SLC9A6: variants seen among roughly 807,000 people sequenced by gnomAD.
SLC9A6 encodes the protein sodium/hydrogen exchanger 6.
SLC9A6 carries 6 observed loss-of-function variants against 45.3 expected under a neutral mutation model. The ratio of observed to expected loss-of-function variants is 0.13; its 90% CI spans 0.07 to 0.26. The LOEUF is 0.26. Ranked by LOEUF, SLC9A6 falls within the 10% of genes least tolerant of loss-of-function variation. The pLI, the probability that SLC9A6 is intolerant of heterozygous loss-of-function variation, is 1.00. For synonymous variants in SLC9A6, 191 were observed against 187.7 expected (o/e 1.02, Z -0.14); for missense variants, 278 against 503.7 (o/e 0.55, Z 4.29).
rs781859679 is a variant in SLC9A6 at position 136,027,622 on chromosome X, A to G, written c.1461-1264A>G. Among the ~76,000 whole-genome samples, 3 of 112,034 alleles carry G rather than the reference A, an allele frequency of 2.7e-5. No individual in the cohort carries two copies. In the East Asian group the frequency reaches 8.4e-4, roughly 31 times the overall value. On this transcript the variant is annotated intron_variant, in intron 13 of 17. Transcript: ENST00000630721. ...AACTCTAGTGTGAAAGCAGCCCTAGACAATATATAAATCAATTGGTGTGGT... is the reference window on the plus strand; with the variant it reads ...AACTCTAGTGTGAAAGCAGCCCTAGGCAATATATAAATCAATTGGTGTGGT...
At chrX:135,984,416 A>G (rs2089303880), upstream of SLC9A6, among the ~76,000 whole-genome samples, 1 of 112,120 alleles carries the variant, frequency 8.9e-6, no homozygotes, top group African/African-American at 3.3e-5. Flanking sequence ...AAGTTGGGGC[A>G]GCAGGCCAGG....
At chrX:136,017,688 T>A (rs1402796955) in intron 11 of SLC9A6, among the ~76,000 whole-genome samples, 1 of 111,844 alleles carries the variant, frequency 8.9e-6, no homozygotes, top group African/African-American at 3.2e-5. Context: ...TGAGATCATC[T>A]GCTGAGAGTA....
intron 16 of SLC9A6, among the ~76,000 whole-genome samples, chrX:136,039,672 C>T (rs1603223365): frequency 8.9e-6 from 1 of 112,232 alleles, no homozygotes; most frequent in African/African-American, 3.2e-5. Flanking sequence ...TGGCCATTAA[C>T]ATTGTTTACT....
chrX:135,985,675 T>A lies in SLC9A6; in HGVS notation c.17T>A (p.Val6Glu), dbSNP rs1556614805. The change falls in exon 2 of 18, where the codon GTG becomes GAG. Residue 6 changes from valine (V) to glutamate (E), a missense_variant. Val to Glu is a moderately radical substitution (Grantham distance 121, BLOSUM62 -2). Coordinates refer to ENST00000630721, the MANE Select transcript of SLC9A6 (RefSeq NM_001379110.1). MDEEI[V>E]SEKQAEESHR... The stretch of plus-strand genomic sequence containing the variant: ...GCTAGAGCCATGGACGAGGAGATCG[T>A]GTCCGAGAAGCAAGCCGAGGAGAGC... 8.3e-7 allele frequency: 1 copy of A among 1,210,015 alleles called. No homozygotes were observed. Among genetic ancestry groups the A allele is most frequent in the Non-Finnish European group, 1.1e-6 (1 of 895,137 alleles).
intron 2 of SLC9A6, 141 bp from the exon 3 acceptor site, chrX:135,994,645 C>A (rs1204312458): frequency 5.3e-6 from 3 of 562,927 alleles, no homozygotes; most frequent in Non-Finnish European, 9.4e-6. Flanking sequence ...TATTTTAAAA[C>A]ATAACTGCAT....
At chrX:136,015,122 A>G (rs1487005392) in intron 10 of SLC9A6, among the ~76,000 whole-genome samples, 1 of 113,111 alleles carries the variant, frequency 8.8e-6, no homozygotes, top group Non-Finnish European at 1.9e-5. Context: ...CAGTGAGCTA[A>G]GCATGGTTTT....
At chrX:136,005,804 T>C (rs181648099) in intron 7 of SLC9A6, among the ~76,000 whole-genome samples, 2 of 111,966 alleles carry the variant, frequency 1.8e-5, no homozygotes, top group East Asian at 5.6e-4. Flanking sequence ...AGGAAACAAT[T>C]TGAGTGAGTC....
rs782028972 is a variant in SLC9A6 at position 136,031,790 on chromosome X, GTA to G, written c.1582-1621_1582-1620del. ...TAAGTATGGAGTGTGTGGGGGTGGG[GTA>G]TACAGGTGTTCATGTGGTGAGGGGT... is the stretch of plus-strand genomic sequence containing the variant. On this transcript the variant is annotated intron_variant, in intron 15 of 17. Coordinates refer to ENST00000630721, the MANE Select transcript of SLC9A6 (RefSeq NM_001379110.1). Among the ~76,000 whole-genome samples the G allele has an allele frequency of 5.4e-5, 6 of 111,834 alleles. No individual in the cohort carries two copies. The South Asian group carries it at 2.3e-3, about 42-fold the overall frequency.
intron 2 of SLC9A6, 146 bp downstream of exon 2, chrX:135,985,973 C>G: frequency 1.4e-6 from 1 of 698,048 alleles, no homozygotes; most frequent in Non-Finnish European, 2.2e-6. Context: ...CCCCCTACCC[C>G]GCGTTTCTCT....
chrX:136,036,316 CTT>C (rs1343520358), intron 16 of SLC9A6, among the ~76,000 whole-genome samples: 1 of 111,252 alleles, frequency 9.0e-6, no homozygotes, highest in Non-Finnish European at 1.9e-5. Context: ...TAGATATCCT[CTT>C]TTGTGAAGTC....
chrX:136,035,815 A>ACAATCTTGTGC (rs1287194479), intron 16 of SLC9A6, among the ~76,000 whole-genome samples: 2 of 110,547 alleles, frequency 1.8e-5, no homozygotes, highest in African/African-American at 6.6e-5. Flanking sequence ...ATGCAGTGGC[A>ACAATCTTGTGC]CAATCTTGGC....
chrX:136,019,864 G>A (rs1359183842), intron 11 of SLC9A6, among the ~76,000 whole-genome samples: 1 of 111,788 alleles, frequency 8.9e-6, no homozygotes, highest in Non-Finnish European at 1.9e-5. Context: ...TAGTTGTCAT[G>A]TCCCCTTAGG....
At chrX:135,973,975 G>A (rs1427676652), upstream of SLC9A6, 4 of 1,039,380 alleles carry the variant, frequency 3.8e-6, no homozygotes, top group East Asian at 4.2e-5. Flanking sequence ...CGGGAGCTAC[G>A]GGGAAGCGAA....
At chrX:135,982,920 G>T (rs1409962822), upstream of SLC9A6, among the ~76,000 whole-genome samples, 1 of 112,196 alleles carries the variant, frequency 8.9e-6, no homozygotes, top group Non-Finnish European at 1.9e-5. Context: ...AAAGAAGCAA[G>T]GCTGGATTCC....
chrX:135,980,047 T>G (rs2089279618), intron 1 of SLC9A6, among the ~76,000 whole-genome samples: 1 of 112,068 alleles, frequency 8.9e-6, no homozygotes, highest in South Asian at 3.7e-4. Flanking sequence ...ATTACAGGCG[T>G]GAGCCACTGC....
Position 136,044,946 on chromosome X carries a change from A to C in SLC9A6, c.*222A>C, listed in dbSNP as rs2071574268. On this transcript the variant is annotated 3_prime_UTR_variant, in exon 18 of 18. Transcript: ENST00000630721. ...GCACTCTGTAGACTGGATCTGTTTT[A>C]GGAAGTTACTTTCACAGTGATGTTG... 1 of 400,875 alleles carries C rather than the reference A, an allele frequency of 2.5e-6. No individual in the cohort carries two copies. The highest frequency in any genetic ancestry group is 4.3e-6 in the Non-Finnish European group (1 of 231,174). The allele number at this position is 400,875 out of a possible 1,213,427, so 33.0% of individuals were successfully genotyped here. A position where few individuals can be genotyped will look rare whatever the true frequency, so the allele number is the denominator to read the frequency against.
At chrX:135,999,264 A>G (rs2089548562) in intron 6 of SLC9A6, among the ~76,000 whole-genome samples, 1 of 109,595 alleles carries the variant, frequency 9.1e-6, no homozygotes, top group Non-Finnish European at 1.9e-5. Flanking sequence ...GTTGGTCTTT[A>G]TCCCTAGTGA....
intron 13 of SLC9A6, among the ~76,000 whole-genome samples, chrX:136,024,935 C>T (rs1473625503): frequency 1.8e-5 from 2 of 111,910 alleles, no homozygotes; most frequent in Admixed American, 9.5e-5. Context: ...TTACCGTTAA[C>T]GATGTGAACA....
chrX:136,009,753 C>T (rs1271620166), intron 7 of SLC9A6, among the ~76,000 whole-genome samples: 1 of 112,033 alleles, frequency 8.9e-6, no homozygotes, highest in Non-Finnish European at 1.9e-5. Flanking sequence ...GAGAGCATCT[C>T]CTATAATTGC....
Sources: gnomAD v4.1 joint callset for allele counts (sites outside exome capture counted in the v4.1 genomes callset) on GRCh38, gnomAD v4.1.1 for gene constraint, MANE v1.5 for transcripts, NCBI Gene and HGNC (gene_info 2026-07-23, HGNC 2026-07-21) for gene names.